The following FRAS1 variants were observed in gnomAD, a reference collection of about 807,000 sequenced individuals.
FRAS1 encodes Fraser extracellular matrix complex subunit 1.
In FRAS1, 290 loss-of-function variants were observed where a neutral mutation model predicts 435.2. That is an observed-to-expected ratio of 0.67 (90% CI 0.61 to 0.73). FRAS1 has a LOEUF of 0.73. Ranked by LOEUF, FRAS1 falls within the 30% of genes least tolerant of loss-of-function variation. FRAS1 has a pLI of 0.00. For missense variants in FRAS1, 4,860 were observed against 5,001.5 expected, an observed-to-expected ratio of 0.97 and a Z score of 0.85; for synonymous variants, 1,800 against 1,851.0, an observed-to-expected ratio of 0.97 and a Z score of 0.71.
chr4:78,520,535 G>A (rs946811747), intron 67 of FRAS1, among the ~76,000 whole-genome samples: 3 of 152,110 alleles, frequency 2.0e-5, no homozygotes, highest in African/African-American at 7.2e-5. Flanking sequence ...GGATGCTCAA[G>A]TCCCTCATAT....
At chr4:78,298,030 CTATA>C (rs61446216) in intron 14 of FRAS1, among the ~76,000 whole-genome samples, 9,757 of 103,810 alleles carry the variant, frequency 0.094, 560 homozygotes, top group African/African-American at 0.19. Context: ...CTCTCTCTCT[CTATA>C]TATATATATA....
chr4:78,452,343 C>A lies in FRAS1; in HGVS notation c.6752C>A (p.Ala2251Glu). Residue 2251 changes from alanine to glutamate, a missense_variant, in exon 47 of 74, where the codon GCA becomes GAA. Coordinates refer to ENST00000512123, the MANE Select transcript of FRAS1 (RefSeq NM_025074.7). Reference sequence around the variant, plus strand: ...CCCCAGCTGGGCCACTTGGAACATGCAGCATCACCAGGTAAGTCTATCATC... The same window carrying A: ...CCCCAGCTGGGCCACTTGGAACATGAAGCATCACCAGGTAAGTCTATCATC... ...RQPQLGHLEH[A>E]ASPGIQISSF... is the part of the protein sequence containing the mutation. The A allele has an allele frequency of 6.2e-7, 1 of 1,601,390 alleles. No homozygotes were observed. The highest frequency in any genetic ancestry group is 8.5e-7 in the Non-Finnish European group (1 of 1,176,568).
chr4:78,424,062 T>C (rs1733904873), intron 34 of FRAS1, among the ~76,000 whole-genome samples: 1 of 152,244 alleles, frequency 6.6e-6, no homozygotes, highest in Admixed American at 6.5e-5. Context: ...CTGTCAGTGA[T>C]ATACGACTCA....
chr4:78,379,901 T>C lies in FRAS1; in HGVS notation c.3468T>C (p.Asn1156=). 6.2e-7 allele frequency: 1 copy of C among 1,613,868 alleles called. No individual in the cohort carries two copies. Among genetic ancestry groups the C allele is most frequent in the Non-Finnish European group, 8.5e-7 (1 of 1,179,840 alleles). ...ATGGTCAGCTAGTGCTCTCAAGAAA[T>C]GGAAAAGAGGTTCAGCTGGACAAGG... ...PTNGQLVLSR[N]GKEVQLDKAG... is the part of the protein sequence containing the mutation. Residue 1156 remains asparagine, a synonymous_variant, in exon 27 of 74, where the codon AAT becomes AAC. Transcript: ENST00000512123.
rs192038529 is a variant in FRAS1, at chr4:78,266,569, G to A, written c.688-265G>A. On this transcript the variant is annotated intron_variant, in intron 7 of 73. Transcript: ENST00000512123. ...GTCTTTCTACCCATCTCAATGTCTC[G>A]GGTCTCTATGTGCCTGGCACAGAGT... is the stretch of plus-strand genomic sequence containing the variant. 1.9e-3 allele frequency among the ~76,000 whole-genome samples: 282 copies of A among 152,330 alleles called. 3 individuals are homozygous for A. The highest frequency in any genetic ancestry group is 5.8e-3 in the African/African-American group (240 of 41,578).
intron 72 of FRAS1, among the ~76,000 whole-genome samples, chr4:78,537,516 TATG>T (rs1721922623): frequency 1.3e-5 from 2 of 152,204 alleles, no homozygotes; most frequent in South Asian, 4.1e-4. Flanking sequence ...TTCAAAATAA[TATG>T]ATGATGACTC....
In FRAS1 at chr4:78,488,821, C is replaced by T. The variant is rs1720251305; in HGVS notation, c.8753-54C>T. The T allele has an allele frequency of 2.6e-6, 4 of 1,531,728 alleles. 1 individual carries two copies. The South Asian group carries it at 4.8e-5, about 18-fold the overall frequency. 94.9% of individuals were successfully genotyped at this position (1,531,728 alleles called of 1,614,324 possible). A position where few individuals can be genotyped will look rare whatever the true frequency, so the allele number is the denominator to read the frequency against. Reference sequence around the variant, plus strand: ...TGAAGGCTGACAAGGACCATGGCCACAGCTTCCCTGTCTTCCACTAATGGT... The same window carrying T: ...TGAAGGCTGACAAGGACCATGGCCATAGCTTCCCTGTCTTCCACTAATGGT... On this transcript the variant is annotated intron_variant, in intron 58 of 73. Coordinates refer to ENST00000512123, the MANE Select transcript of FRAS1 (RefSeq NM_025074.7).
intron 20 of FRAS1, among the ~76,000 whole-genome samples, chr4:78,358,870 C>A (rs1203555317): frequency 1.3e-5 from 2 of 152,048 alleles, no homozygotes; most frequent in Non-Finnish European, 2.9e-5. Context: ...ACAGGAGTCC[C>A]TAATGACATG....
rs145330603 is a variant in FRAS1 at position 78,524,409 on chromosome 4, G to A, written c.10808+1601G>A. 8.5e-4 allele frequency among the ~76,000 whole-genome samples: 129 copies of A among 152,312 alleles called. No individual in the cohort carries two copies. The Middle Eastern group carries it at 0.017, about 20-fold the overall frequency. ...ACCGTAGTTGTTCAGGGAAGAGAGAGCCAGAGGCTGGGGAGTTGTATAAGG... is the reference window on the plus strand; with the variant it reads ...ACCGTAGTTGTTCAGGGAAGAGAGAACCAGAGGCTGGGGAGTTGTATAAGG... On this transcript the variant is annotated intron_variant, in intron 69 of 73. Coordinates refer to ENST00000512123, the MANE Select transcript of FRAS1 (RefSeq NM_025074.7).
chr4:78,475,993 T>G (rs1442206451), intron 54 of FRAS1, among the ~76,000 whole-genome samples: 1 of 152,200 alleles, frequency 6.6e-6, no homozygotes, highest in African/African-American at 2.4e-5. Context: ...TGGGGTAGGC[T>G]GGCTGAGATG....
chr4:78,468,541 AC>A (rs1388079325), intron 50 of FRAS1, among the ~76,000 whole-genome samples: 1 of 132,632 alleles, frequency 7.5e-6, no homozygotes, highest in Non-Finnish European at 1.7e-5. Flanking sequence ...AGCTTGTGAA[AC>A]CAGTAAAATG....
intron 70 of FRAS1, among the ~76,000 whole-genome samples, chr4:78,528,895 C>T (rs1331660630): frequency 6.6e-6 from 1 of 152,122 alleles, no homozygotes; most frequent in Non-Finnish European, 1.5e-5. Context: ...CATGAGAGTG[C>T]ACGCGCTCCC....
intron 20 of FRAS1, among the ~76,000 whole-genome samples, chr4:78,355,224 G>C: frequency 6.6e-6 from 1 of 151,890 alleles, no homozygotes; most frequent in East Asian, 1.9e-4. Flanking sequence ...TTATTAATTT[G>C]CTTGTTTACA....
intron 2 of FRAS1, among the ~76,000 whole-genome samples, chr4:78,219,840 G>A (rs1421875331): frequency 6.6e-6 from 1 of 152,004 alleles, no homozygotes; most frequent in Non-Finnish European, 1.5e-5. Context: ...TGTTTTCTCT[G>A]CAGAAAAAAA....
rs1560753038 is a variant in FRAS1, at chr4:78,483,799, A to ATATATATATATATATATATATATAT, written c.8752+1264_8752+1265insTATATATATATATATATATATATAT. ...CTCTCTCTCTATATATATATATATA[A>ATATATATATATATATATATATATAT]AATTATGTATGTGTGATACACACAC... is the stretch of plus-strand genomic sequence containing the variant. On this transcript the variant is annotated intron_variant, in intron 58 of 73. Transcript: ENST00000512123. Among the ~76,000 whole-genome samples, 50 of 67,406 alleles carry ATATATATATATATATATATATATAT rather than the reference A, an allele frequency of 7.4e-4. 5 individuals carry two copies. Among genetic ancestry groups the ATATATATATATATATATATATATAT allele is most frequent in the Middle Eastern group, 7.6e-3 (1 of 132 alleles). The allele number at this position is 67,406 out of a possible 152,430, so 44.2% of individuals were successfully genotyped here. A position where few individuals can be genotyped will look rare whatever the true frequency, so the allele number is the denominator to read the frequency against.
intron 47 of FRAS1, among the ~76,000 whole-genome samples, chr4:78,458,076 G>A (rs563126460): frequency 5.9e-5 from 9 of 152,180 alleles, no homozygotes; most frequent in Non-Finnish European, 1.0e-4. Flanking sequence ...GAACTTCCAG[G>A]TAATGTCCTG....
intron 28 of FRAS1, among the ~76,000 whole-genome samples, chr4:78,385,090 C>G (rs1732171862): frequency 1.3e-5 from 2 of 152,050 alleles, no homozygotes; most frequent in Non-Finnish European, 2.9e-5. Context: ...ATGGTAGATG[C>G]TATAAAGCTC....
intron 4 of FRAS1, among the ~76,000 whole-genome samples, chr4:78,250,501 T>C (rs1241365987): frequency 6.6e-6 from 1 of 152,204 alleles, no homozygotes; most frequent in Non-Finnish European, 1.5e-5. Context: ...TTTAAGCCTT[T>C]TGTGTGTCAT....
intron 11 of FRAS1, 65 bp from the exon 12 acceptor site, chr4:78,282,755 G>A: frequency 1.3e-6 from 2 of 1,582,314 alleles, no homozygotes; most frequent in South Asian, 1.1e-5. Flanking sequence ...AAGTTCTTCA[G>A]CAGCAAGCTC....
Sources: gnomAD v4.1 joint callset for allele counts (sites outside exome capture counted in the v4.1 genomes callset) on GRCh38, gnomAD v4.1.1 for gene constraint, MANE v1.5 for transcripts, NCBI Gene and HGNC (gene_info 2026-07-23, HGNC 2026-07-21) for gene names.